DUSP15: variants seen among roughly 807,000 people sequenced by gnomAD.
DUSP15 encodes dual specificity protein phosphatase 15.
A neutral mutation model predicts 26.3 loss-of-function variants in DUSP15; 23 were observed. That is an observed-to-expected ratio of 0.87 (90% CI 0.63 to 1.24). DUSP15 has a LOEUF of 1.24. DUSP15 is among the 50% of genes most tolerant of loss of function. The pLI, the probability that DUSP15 is intolerant of heterozygous loss-of-function variation, is 0.00. For missense variants in DUSP15, 364 were observed against 320.6 expected, an observed-to-expected ratio of 1.14 and a Z score of -1.03; for synonymous variants, 143 against 135.5, an observed-to-expected ratio of 1.06 and a Z score of -0.39.
downstream of DUSP15, among the ~76,000 whole-genome samples, chr20:31,860,605 T>C (rs1198186285): frequency 6.6e-6 from 1 of 152,234 alleles, no homozygotes; most frequent in African/African-American, 2.4e-5. Flanking sequence ...TCTGGCTGTG[T>C]GTGCTCCGGC....
At chr20:31,861,009 G>A (rs879165089), downstream of DUSP15, 10 of 1,029,904 alleles carry the variant, frequency 9.7e-6, no homozygotes, top group Non-Finnish European at 1.2e-5. Flanking sequence ...TGGCAGTCCT[G>A]CTGGCTCCTG....
At chr20:31,869,932 G>A in intron 1 of DUSP15, 1 of 1,356,662 alleles carries the variant, frequency 7.4e-7, no homozygotes, top group South Asian at 1.8e-5. Flanking sequence ...TGGGGCTGGG[G>A]AGGCAGAAAG....
chr20:31,861,330 G>A lies in DUSP15; in HGVS notation c.*73C>T, dbSNP rs987868670. 1 of 1,421,162 alleles carries A rather than the reference G, an allele frequency of 7.0e-7. No individual in the cohort carries two copies. The highest frequency in any genetic ancestry group is 9.2e-7 in the Non-Finnish European group (1 of 1,091,512). 88.0% of individuals were successfully genotyped at this position (1,421,162 alleles called of 1,614,324 possible). Reference sequence around the variant, plus strand: ...TCCCCCAGCCTCTGGGCCCGTCCTGGGGGGCGTGGAAGGCGCAGACAGCCC... The same window carrying A: ...TCCCCCAGCCTCTGGGCCCGTCCTGAGGGGCGTGGAAGGCGCAGACAGCCC... On this transcript the variant is annotated 3_prime_UTR_variant, in exon 7 of 7. Transcript: ENST00000339738.
intron 4 of DUSP15, 188 bp from the exon 5 acceptor site, chr20:31,864,169 G>C: frequency 7.2e-7 from 1 of 1,389,904 alleles, no homozygotes. Flanking sequence ...AAGCAAGAAT[G>C]GTGGCATTTC....
chr20:31,861,033 G>A, downstream of DUSP15: 7 of 1,061,780 alleles, frequency 6.6e-6, no homozygotes, highest in Non-Finnish European at 8.0e-6. Context: ...GAATCCTGCT[G>A]CCCCGCCTTT....
exon 10 of DUSP15, chr20:31,848,283 CCGCGATCCA>C: frequency 8.4e-7 from 1 of 1,185,900 alleles, no homozygotes; most frequent in South Asian, 1.6e-5. Context: ...GAGTGGAAGG[CCGCGATCCA>C]CCTCTGCCGT....
At position 31,861,413 on chromosome 20, in the gene DUSP15, C is replaced by A; in HGVS notation, c.698G>T (p.Gly233Val). ...GGCTGGACTGCATCCTCACTTGCCG[C>A]CCTTGCGGGACAGACACCGGGGGAG... is the stretch of plus-strand genomic sequence containing the variant. The part of the protein sequence containing the change: ...SCLPRCLSRK[G>V]GK Residue 233 changes from glycine (G) to valine (V), a missense_variant, in exon 7 of 7, where the codon GGC becomes GTC. Physicochemically the swap from Gly to Val is moderately radical, Grantham distance 109. Coordinates refer to ENST00000339738, the MANE Select transcript of DUSP15 (RefSeq NM_080611.5). 6.4e-7 allele frequency: 1 copy of A among 1,558,336 alleles called. No homozygotes were observed. The highest frequency in any genetic ancestry group is 8.6e-7 in the Non-Finnish European group (1 of 1,162,456).
At position 31,861,552 on chromosome 20, in the gene DUSP15, C is replaced by A. The variant is rs1166366005; in HGVS notation, c.559G>T (p.Gly187Trp). 6.6e-7 allele frequency: 1 copy of A among 1,505,190 alleles called. No individual in the cohort carries two copies. The highest frequency in any genetic ancestry group is 1.2e-5 in the South Asian group (1 of 80,790). 93.2% of individuals were successfully genotyped at this position (1,505,190 alleles called of 1,614,324 possible). ...CCCTCGGAGGCTGCTGAGTGCGGCC[C>A]GGCGGAGGAGGCCGAGGTCGCGGAG... ...QGSATSASSAGPHSAASEGTV... is the reference protein window; with the variant it reads ...QGSATSASSAWPHSAASEGTV... The change falls in exon 7 of 7, where the codon GGG (glycine) becomes TGG (tryptophan). Residue 187 changes from glycine to tryptophan, a missense_variant. Gly to Trp is a radical substitution (Grantham distance 184). Transcript: ENST00000339738.
intron 6 of DUSP15, among the ~76,000 whole-genome samples, chr20:31,850,870 C>T (rs2062457367): frequency 6.6e-6 from 1 of 152,188 alleles, no homozygotes; most frequent in African/African-American, 2.4e-5. Flanking sequence ...TCCTTGTCCT[C>T]ATCCTCTGTG....
rs2062502287 is a variant in DUSP15, at chr20:31,853,112, T to TC, written c.427-2437dup. 2.3e-5 allele frequency among the ~76,000 whole-genome samples: 3 copies of TC among 131,854 alleles called. No homozygotes were observed. The South Asian group carries it at 8.1e-4, about 36-fold the overall frequency. The allele number at this position is 131,854 out of a possible 152,430, so 86.5% of individuals were successfully genotyped here. ...TTTCCCTTTCCTTTCCCTCCCTCCC[T>TC]CCCCACAACACATATTATTTGAGCT... is the stretch of plus-strand genomic sequence containing the variant. On this transcript the variant is annotated intron_variant, in intron 6 of 9. Transcript: ENST00000278979.
At chr20:31,865,195 C>CA (rs2062741741) in intron 3 of DUSP15, among the ~76,000 whole-genome samples, 193 bp from the exon 4 acceptor site, 1 of 152,150 alleles carries the variant, frequency 6.6e-6, no homozygotes, top group African/African-American at 2.4e-5. Context: ...GATTCCTGAA[C>CA]CTTCTAAGCA....
At chr20:31,862,149 C>T (rs1317762650) in intron 6 of DUSP15, among the ~76,000 whole-genome samples, 4 of 152,088 alleles carry the variant, frequency 2.6e-5, no homozygotes, top group Admixed American at 2.0e-4. Context: ...CCCAGGGAGG[C>T]TTAGTTCCTG....
Position 31,864,001 on chromosome 20 carries a change from G to C in DUSP15, c.189-20C>G. 6.2e-7 allele frequency: 1 copy of C among 1,613,000 alleles called. No individual in the cohort carries two copies. Reference sequence around the variant, plus strand: ...TTTTTGCTAGAGGAGAAAGCAATAGGGTAGGGAGCACTGCAGGGCAGACCT... The same window carrying C: ...TTTTTGCTAGAGGAGAAAGCAATAGCGTAGGGAGCACTGCAGGGCAGACCT... On this transcript the variant is annotated intron_variant, in intron 4 of 6. Transcript: ENST00000339738.
intron 2 of DUSP15, among the ~76,000 whole-genome samples, chr20:31,868,873 AGGTATCTATACAT>A (rs2123314148): frequency 6.6e-6 from 1 of 152,318 alleles, no homozygotes; most frequent in South Asian, 2.1e-4. Flanking sequence ...CTGAAGAACA[AGGTATCTATACAT>A]GGGTGTCCCC....
chr20:31,869,943 G>A, intron 1 of DUSP15: 1 of 1,350,632 alleles, frequency 7.4e-7, no homozygotes, highest in Non-Finnish European at 9.5e-7. Context: ...AGGCAGAAAG[G>A]CAATGACAGG....
exon 10 of DUSP15, chr20:31,848,301 G>C (rs543826987): frequency 5.2e-6 from 7 of 1,342,878 alleles, no homozygotes; most frequent in African/African-American, 1.5e-5. Flanking sequence ...CACCTCTGCC[G>C]TCCGGCAGAC....
At chr20:31,861,852 A>G (rs1208851227) in intron 6 of DUSP15, among the ~76,000 whole-genome samples, 177 bp from the exon 7 acceptor site, 3 of 150,226 alleles carry the variant, frequency 2.0e-5, no homozygotes, top group East Asian at 4.0e-4. Context: ...CCATCCCCTC[A>G]CTGAGTCCCT....
intron 6 of DUSP15, among the ~76,000 whole-genome samples, chr20:31,855,255 C>T (rs909610824): frequency 2.6e-5 from 4 of 152,164 alleles, no homozygotes; most frequent in Admixed American, 6.5e-5. Context: ...ACCTGAGCTT[C>T]GAATGTTCCT....
At chr20:31,849,819 C>T (rs767768176) in exon 8 of DUSP15, 57 of 1,527,888 alleles carry the variant, frequency 3.7e-5, no homozygotes, top group Non-Finnish European at 4.9e-5. Flanking sequence ...GCTGTGCGCC[C>T]GGTGGCTTCG....
Sources: gnomAD v4.1 joint callset for allele counts (sites outside exome capture counted in the v4.1 genomes callset) on GRCh38, gnomAD v4.1.1 for gene constraint, MANE v1.5 for transcripts, NCBI Gene and HGNC (gene_info 2026-07-23, HGNC 2026-07-21) for gene names.